The following ADAMTS20 variants were observed in gnomAD, a reference collection of about 807,000 sequenced individuals.
ADAMTS20 encodes ADAM metallopeptidase with thrombospondin type 1 motif 20.
In ADAMTS20, 225 loss-of-function variants were observed where a neutral mutation model predicts 260.1. The observed-to-expected ratio is 0.87, with a 90% CI of 0.78 to 0.97. ADAMTS20 has a LOEUF of 0.97. ADAMTS20 is among the 50% of genes least tolerant of loss of function. ADAMTS20 has a pLI of 0.00. For synonymous variants in ADAMTS20, 802 were observed against 769.5 expected (o/e 1.04, Z -0.70); for missense variants, 2,400 against 2,337.7 (o/e 1.03, Z -0.55).
At chr12:43,437,921 C>T (rs1449069728) in intron 18 of ADAMTS20, among the ~76,000 whole-genome samples, 1 of 152,076 alleles carries the variant, frequency 6.6e-6, no homozygotes, top group East Asian at 1.9e-4. Flanking sequence ...AAAGAAAAAT[C>T]AAATTGATAA....
intron 3 of ADAMTS20, among the ~76,000 whole-genome samples, chr12:43,514,560 C>CAAAAAAAAAAA (rs58435633): frequency 1.6e-5 from 1 of 63,658 alleles, no homozygotes; most frequent in Non-Finnish European, 2.5e-5. Context: ...GACTCTATCT[C>CAAAAAAAAAAA]AAAAAAAAAA....
rs377535048 is a variant in ADAMTS20, at chr12:43,452,496, C to G, written c.1942+18G>C. On this transcript the variant is annotated intron_variant, in intron 13 of 38. Coordinates refer to ENST00000389420, the MANE Select transcript of ADAMTS20 (RefSeq NM_025003.5). ...TCTCAGAAAAATTTACATCAAAGAA[C>G]CAGCATAATTTACTTACTGCCACTG... 2 of 1,607,092 alleles carry G rather than the reference C, an allele frequency of 1.2e-6. No homozygotes were observed. The highest frequency in any genetic ancestry group is 1.7e-6 in the Non-Finnish European group (2 of 1,175,998).
At chr12:43,381,888 G>C (rs553799072) in intron 31 of ADAMTS20, among the ~76,000 whole-genome samples, 1 of 150,554 alleles carries the variant, frequency 6.6e-6, no homozygotes, top group African/African-American at 2.4e-5. Context: ...AACATCATTA[G>C]TCATTAGAGA....
rs182458662 is a variant in ADAMTS20 at position 43,406,802 on chromosome 12, C to T, written c.4285-7569G>A. On this transcript the variant is annotated intron_variant, in intron 28 of 38. Coordinates refer to ENST00000389420, the MANE Select transcript of ADAMTS20 (RefSeq NM_025003.5). ...ATGAAGAAACCTTTTTTAAACTGAGCGTCTCAATTATTAGCAAAGTAAAAC... is the reference window on the plus strand; with the variant it reads ...ATGAAGAAACCTTTTTTAAACTGAGTGTCTCAATTATTAGCAAAGTAAAAC... Among the ~76,000 whole-genome samples, 34 of 151,942 alleles carry T rather than the reference C, an allele frequency of 2.2e-4. 1 individual carries two copies. Among genetic ancestry groups the T allele is most frequent in the Admixed American group, 6.6e-5 (1 of 15,266 alleles).
In ADAMTS20 at chr12:43,532,030, G is replaced by A. The variant is rs1212554028; in HGVS notation, c.613+6C>T. 1.3e-6 allele frequency: 2 copies of A among 1,521,866 alleles called. No individual in the cohort carries two copies. Among genetic ancestry groups the A allele is most frequent in the Non-Finnish European group, 8.8e-7 (1 of 1,131,856 alleles). 94.3% of individuals were successfully genotyped at this position (1,521,866 alleles called of 1,614,324 possible). A position where few individuals can be genotyped will look rare whatever the true frequency, so the allele number is the denominator to read the frequency against. On this transcript the variant is annotated splice_donor_region_variant and intron_variant, in intron 3 of 38. Transcript: ENST00000389420. ...TAGCTGAAAAGAGTTCTATTTCACA[G>A]TTTACCTGACACACTGCAATACTTC...
At position 43,375,448 on chromosome 12, in the gene ADAMTS20, C is replaced by T. The variant is rs761327022; in HGVS notation, c.5377G>A (p.Gly1793Arg). Reference protein sequence around the residue: ...SRREDCECDNGHLAAGYTVFS... With the variant: ...SRREDCECDNRHLAAGYTVFS... ...ACAGTGTATCCAGCAGCTAAGTGTC[C>T]ATTGTCACATTCACAGTCTTCCCTT... Residue 1793 changes from glycine (G) to arginine (R), a missense_variant, in exon 36 of 39, where the codon GGA becomes AGA. Coordinates refer to ENST00000389420, the MANE Select transcript of ADAMTS20 (RefSeq NM_025003.5). The T allele has an allele frequency of 6.2e-6, 10 of 1,613,208 alleles. No homozygotes were observed. In the Admixed American group the frequency reaches 1.3e-4, roughly 22 times the overall value.
intron 2 of ADAMTS20, among the ~76,000 whole-genome samples, chr12:43,537,962 C>T (rs894349635): frequency 1.3e-5 from 2 of 152,180 alleles, no homozygotes; most frequent in Non-Finnish European, 2.9e-5. Context: ...ATTGTGAACA[C>T]TGCTGCAACA....
chr12:43,426,333 T>C (rs1372611614), intron 27 of ADAMTS20, among the ~76,000 whole-genome samples: 2 of 152,318 alleles, frequency 1.3e-5, no homozygotes, highest in East Asian at 3.9e-4. Context: ...AGAAGTACTT[T>C]CGTTTTGGAA....
At chr12:43,549,748 G>A (rs747580281) in intron 2 of ADAMTS20, among the ~76,000 whole-genome samples, 9 of 152,098 alleles carry the variant, frequency 5.9e-5, no homozygotes, top group Non-Finnish European at 1.2e-4. Flanking sequence ...ATGGAAGAAA[G>A]AAAGGAAATG....
chr12:43,440,325 T>C lies in ADAMTS20; in HGVS notation c.2291-256A>G, dbSNP rs2137326119. ...CACCACGCCTGGCTAATTTTTGTATTTTTAGTAGAGACGGGGTTTTGCCAT... is the reference window on the plus strand; with the variant it reads ...CACCACGCCTGGCTAATTTTTGTATCTTTAGTAGAGACGGGGTTTTGCCAT... On this transcript the variant is annotated intron_variant, in intron 16 of 38. Coordinates refer to ENST00000389420, the MANE Select transcript of ADAMTS20 (RefSeq NM_025003.5). Among the ~76,000 whole-genome samples, 2 of 152,166 alleles carry C rather than the reference T, an allele frequency of 1.3e-5. 1 individual carries two copies. The highest frequency in any genetic ancestry group is 4.2e-4 in the South Asian group (2 of 4,814).
chr12:43,503,930 T>C (rs1565575076), intron 3 of ADAMTS20, among the ~76,000 whole-genome samples: 1 of 152,232 alleles, frequency 6.6e-6, no homozygotes, highest in Non-Finnish European at 1.5e-5. Context: ...CCATAGTATA[T>C]ATGTACCACC....
intron 14 of ADAMTS20, among the ~76,000 whole-genome samples, chr12:43,451,470 T>C (rs973994157): frequency 2.0e-5 from 3 of 147,860 alleles, no homozygotes; most frequent in Non-Finnish European, 4.5e-5. Context: ...AATGCTTCTA[T>C]GTGTTTCCAA....
chr12:43,440,171 T>A (rs1041356421), intron 16 of ADAMTS20, 102 bp from the exon 17 acceptor site: 1 of 768,100 alleles, frequency 1.3e-6, no homozygotes, highest in Non-Finnish European at 1.9e-6. Flanking sequence ...TGAGACGGAG[T>A]CTTGCTGTAT....
At chr12:43,543,199 G>A (rs1393899452) in intron 2 of ADAMTS20, among the ~76,000 whole-genome samples, 3 of 152,070 alleles carry the variant, frequency 2.0e-5, no homozygotes, top group Non-Finnish European at 1.5e-5. Flanking sequence ...GTAGTTCCCA[G>A]CCACTTGGAA....
At chr12:43,359,375 C>A (rs1225273629) in intron 37 of ADAMTS20, among the ~76,000 whole-genome samples, 2 of 152,124 alleles carry the variant, frequency 1.3e-5, no homozygotes, top group African/African-American at 4.8e-5. Flanking sequence ...CATGTGTGCT[C>A]ATTAAATAAT....
At position 43,551,791 on chromosome 12, in the gene ADAMTS20, C is replaced by A. The variant is rs1274515944; in HGVS notation, c.91+40G>T. 4 of 1,602,418 alleles carry A rather than the reference C, an allele frequency of 2.5e-6. No homozygotes were observed. Among genetic ancestry groups the A allele is most frequent in the African/African-American group, 2.7e-5 (2 of 74,692 alleles). On this transcript the variant is annotated intron_variant, in intron 1 of 38. Coordinates refer to ENST00000389420, the MANE Select transcript of ADAMTS20 (RefSeq NM_025003.5). The surrounding 1 kb of genome is among the most constrained non-coding windows in gnomAD (Gnocchi z 4.6). Reference sequence around the variant, plus strand: ...CTGCATGTCCCACTCGGGCCCCGCGCCCCCACTTAGCCGCTGAAGGCGTCT... The same window carrying A: ...CTGCATGTCCCACTCGGGCCCCGCGACCCCACTTAGCCGCTGAAGGCGTCT...
chr12:43,435,366 C>T lies in ADAMTS20; in HGVS notation c.2594-995G>A, dbSNP rs375759665. Among the ~76,000 whole-genome samples, 8 of 152,024 alleles carry T rather than the reference C, an allele frequency of 5.3e-5. No homozygotes were observed. The East Asian group carries it at 9.6e-4, about 18-fold the overall frequency. On this transcript the variant is annotated intron_variant, in intron 18 of 38. Coordinates refer to ENST00000389420, the MANE Select transcript of ADAMTS20 (RefSeq NM_025003.5). ...TCTAAAAAATAAAGTCTAGGCCGGG[C>T]GTGTTGGCTCACACCTGTAATCTCA...
chr12:43,387,941 G>A (rs551654325), intron 29 of ADAMTS20, among the ~76,000 whole-genome samples: 6 of 152,316 alleles, frequency 3.9e-5, no homozygotes, highest in South Asian at 2.1e-4. Context: ...AGAATTTCAA[G>A]CCAGTGGATC....
At chr12:43,497,795 A>G (rs536275300) in intron 4 of ADAMTS20, among the ~76,000 whole-genome samples, 8 of 152,120 alleles carry the variant, frequency 5.3e-5, no homozygotes, top group Non-Finnish European at 1.0e-4. Flanking sequence ...TAATTTAATG[A>G]AAGGGTTAAT....
Sources: gnomAD v4.1 joint callset for allele counts (sites outside exome capture counted in the v4.1 genomes callset) on GRCh38, gnomAD v4.1.1 for gene constraint, Gnocchi (gnomAD v3.1) non-coding constraint, MANE v1.5 for transcripts, NCBI Gene and HGNC (gene_info 2026-07-23, HGNC 2026-07-21) for gene names.